The following MYH15 variants were observed in gnomAD, a reference collection of about 807,000 sequenced individuals.
MYH15 encodes the protein myosin-15.
In MYH15, 227 loss-of-function variants were observed where a neutral mutation model predicts 240.5. That is an observed-to-expected ratio of 0.94 (90% CI 0.85 to 1.05). The LOEUF (loss-of-function observed/expected upper bound fraction) is 1.05. Ranked by LOEUF, MYH15 falls within the 50% of genes least tolerant of loss-of-function variation. The probability of loss-of-function intolerance (pLI) is 0.00; values close to 1 mark genes in which losing one functional copy is unlikely to be tolerated. For missense variants in MYH15, 2,217 were observed against 2,247.5 expected (o/e 0.99, Z 0.27); for synonymous variants, 785 against 796.7 (o/e 0.99, Z 0.25).
At chr3:108,419,935 T>C (rs990456949) in intron 28 of MYH15, among the ~76,000 whole-genome samples, 2 of 152,250 alleles carry the variant, frequency 1.3e-5, no homozygotes, top group Admixed American at 6.5e-5. Flanking sequence ...ATTTTAGTTA[T>C]AGATAAACAT....
chr3:108,400,966 ACT>A (rs2082499786), intron 33 of MYH15, among the ~76,000 whole-genome samples: 1 of 151,826 alleles, frequency 6.6e-6, no homozygotes, highest in Non-Finnish European at 1.5e-5. Flanking sequence ...ATAGAAAATA[ACT>A]CTGTCTGGCT....
intron 21 of MYH15, among the ~76,000 whole-genome samples, chr3:108,452,564 T>G (rs1180492042): frequency 2.0e-5 from 3 of 151,992 alleles, no homozygotes; most frequent in Non-Finnish European, 4.4e-5. Context: ...AAAGACAAAC[T>G]TCAGGACAAT....
Position 108,381,494 on chromosome 3 carries a change from C to G in MYH15, c.*51G>C. 6.2e-7 allele frequency: 1 copy of G among 1,606,600 alleles called. No individual in the cohort carries two copies. Among genetic ancestry groups the G allele is most frequent in the South Asian group, 1.1e-5 (1 of 90,800 alleles). ...GCAACCTAAGTTTTTGGCCATGAAA[C>G]AGCACCTTCCTTGTACTTCTCCAGC... is the stretch of plus-strand genomic sequence containing the variant. On this transcript the variant is annotated 3_prime_UTR_variant, in exon 41 of 41. Coordinates refer to ENST00000693548, the MANE Select transcript of MYH15 (RefSeq NM_014981.3).
chr3:108,431,494 T>C (rs1203666436), intron 25 of MYH15, among the ~76,000 whole-genome samples: 1 of 152,238 alleles, frequency 6.6e-6, no homozygotes. Context: ...ACGTTAGATG[T>C]GACTTGCTCC....
chr3:108,539,229 G>A, the MYH15 span, among the ~76,000 whole-genome samples: 1 of 152,226 alleles, frequency 6.6e-6, no homozygotes. Flanking sequence ...ATATTATTGA[G>A]TGAAAGACAC....
intron 21 of MYH15, among the ~76,000 whole-genome samples, chr3:108,445,668 T>C (rs1485346633): frequency 6.6e-6 from 1 of 151,896 alleles, no homozygotes; most frequent in African/African-American, 2.4e-5. Flanking sequence ...ACAAACCACA[T>C]ATAGGAAAAT....
intron 2 of MYH15, among the ~76,000 whole-genome samples, chr3:108,504,534 A>G (rs1016761853): frequency 6.6e-6 from 1 of 152,242 alleles, no homozygotes; most frequent in Admixed American, 6.5e-5. Context: ...AGCATTAAAA[A>G]GACAAACTTT....
chr3:108,395,631 C>CT (rs2082454306), intron 35 of MYH15, among the ~76,000 whole-genome samples: 3 of 117,634 alleles, frequency 2.6e-5, no homozygotes, highest in Admixed American at 9.5e-5. Flanking sequence ...TTTTTTTTTT[C>CT]TTTCTTTTTT....
intron 27 of MYH15, among the ~76,000 whole-genome samples, chr3:108,428,063 A>G (rs2082740232): frequency 6.6e-6 from 1 of 152,194 alleles, no homozygotes; most frequent in Non-Finnish European, 1.5e-5. Flanking sequence ...GACTTGAGGG[A>G]GAAAAAGTTC....
At chr3:108,392,432 A>C (rs925689468) in intron 36 of MYH15, among the ~76,000 whole-genome samples, 4 of 152,358 alleles carry the variant, frequency 2.6e-5, no homozygotes, top group Middle Eastern at 3.4e-3. Flanking sequence ...ACTGCCAATA[A>C]TCTGGCAAGA....
chr3:108,525,477 G>C (rs2083659686), intron 1 of MYH15, among the ~76,000 whole-genome samples: 1 of 152,034 alleles, frequency 6.6e-6, no homozygotes. Flanking sequence ...GCATTGCTCA[G>C]TTTCATTAAT....
chr3:108,501,889 C>G (rs1213293309), intron 2 of MYH15, 34 bp from the exon 3 acceptor site: 1 of 1,601,440 alleles, frequency 6.2e-7, no homozygotes, highest in African/African-American at 1.3e-5. Flanking sequence ...GATATATTCC[C>G]CTGTCTCCTA....
intron 3 of MYH15, 34 bp from the exon 4 acceptor site, chr3:108,500,308 G>C (rs1295886728): frequency 6.3e-7 from 1 of 1,584,474 alleles, no homozygotes. Flanking sequence ...TCAGAAACTA[G>C]ATTAGAAATA....
At chr3:108,493,030 G>GAAGT (rs151039371) in intron 8 of MYH15, 84 bp downstream of exon 8, 1 of 1,058,794 alleles carries the variant, frequency 9.4e-7, no homozygotes, top group Non-Finnish European at 1.4e-6. Flanking sequence ...GAAAAGGAAG[G>GAAGT]AAGGAAGGAA....
chr3:108,519,335 T>C (rs1179164699), intron 1 of MYH15, among the ~76,000 whole-genome samples: 1 of 152,182 alleles, frequency 6.6e-6, no homozygotes, highest in Non-Finnish European at 1.5e-5. Context: ...AAAATAAAGG[T>C]ATTTAAGTCA....
Position 108,399,126 on chromosome 3 carries a change from C to A in MYH15, c.4878G>T (p.Arg1626=). Residue 1626 remains arginine, a synonymous_variant, in exon 34 of 41, where the codon CGG becomes CGT. Transcript: ENST00000693548. The part of the protein sequence containing the change: ...EMELQLSCAN[R]QVSEATKSLG... ...GGGATTTGGTTGCTTCTGACACCTG[C>A]CGGTTGGCACAGCTAAGCTGGAGTT... is the stretch of plus-strand genomic sequence containing the variant. 6.2e-7 allele frequency: 1 copy of A among 1,614,204 alleles called. No homozygotes were observed. The highest frequency in any genetic ancestry group is 1.1e-5 in the South Asian group (1 of 91,082).
At chr3:108,404,880 C>T (rs2082534496) in intron 33 of MYH15, 1 of 152,070 alleles carries the variant, frequency 6.6e-6, no homozygotes, top group Admixed American at 6.6e-5. Flanking sequence ...TTTCTTAATG[C>T]CCAAGAACGT....
chr3:108,396,347 G>T (rs908802695), intron 35 of MYH15, among the ~76,000 whole-genome samples: 2 of 129,098 alleles, frequency 1.5e-5, no homozygotes, highest in Admixed American at 7.9e-5. Flanking sequence ...AGCAGGGTTG[G>T]GGGGAGACGG....
intron 11 of MYH15, among the ~76,000 whole-genome samples, chr3:108,479,330 A>C (rs2083246918): frequency 6.6e-6 from 1 of 152,126 alleles, no homozygotes; most frequent in Non-Finnish European, 1.5e-5. Flanking sequence ...TTAGCTAGAG[A>C]GGTGGTTCTC....
Sources: allele counts gnomAD v4.1 joint callset (sites outside exome capture counted in the v4.1 genomes callset), GRCh38; gene constraint gnomAD v4.1.1; transcripts MANE v1.5; gene names NCBI Gene and HGNC (gene_info 2026-07-23, HGNC 2026-07-21).